The following POU6F2 variants were observed in gnomAD, a reference collection of about 807,000 sequenced individuals.
POU6F2 encodes the protein POU class 6 homeobox 2.
In POU6F2, 31 loss-of-function variants were observed where a neutral mutation model predicts 71.3. The ratio of observed to expected loss-of-function variants is 0.43; its 90% confidence interval spans 0.33 to 0.59. POU6F2 has a LOEUF of 0.59. Ranked by LOEUF, POU6F2 falls within the 20% of genes least tolerant of loss-of-function variation. The probability of loss-of-function intolerance (pLI) is 0.04; values close to 1 mark genes in which losing one functional copy is unlikely to be tolerated. For missense variants in POU6F2, 783 were observed against 856.8 expected, an observed-to-expected ratio of 0.91 and a Z score of 1.07; for synonymous variants, 347 against 355.7, an observed-to-expected ratio of 0.98 and a Z score of 0.27.
At chr7:38,996,696 G>C (rs1273924675) in intron 1 of POU6F2, among the ~76,000 whole-genome samples, 1 of 152,128 alleles carries the variant, frequency 6.6e-6, no homozygotes, top group Non-Finnish European at 1.5e-5. Context: ...CTGTGTGCCA[G>C]ACTGTTCTAA....
intron 2 of POU6F2, among the ~76,000 whole-genome samples, chr7:39,190,631 CTTTTTT>C (rs58654872): frequency 2.7e-5 from 2 of 74,202 alleles, no homozygotes; most frequent in Non-Finnish European, 4.7e-5. Context: ...GAGTCAACTT[CTTTTTT>C]TTTTTTTTTT....
intron 1 of POU6F2, among the ~76,000 whole-genome samples, chr7:39,031,990 A>G (rs937723982): frequency 6.6e-6 from 1 of 152,148 alleles, no homozygotes; most frequent in African/African-American, 2.4e-5. Context: ...GTTGCGTCCC[A>G]CTGAATCCGA....
chr7:39,422,717 G>C (rs576761679), intron 6 of POU6F2, among the ~76,000 whole-genome samples: 56 of 152,150 alleles, frequency 3.7e-4, no homozygotes, highest in Non-Finnish European at 8.1e-4. Context: ...TCTCCAGTGG[G>C]AAATCAGTGG....
intron 4 of POU6F2, among the ~76,000 whole-genome samples, chr7:39,237,940 C>T (rs902479519): frequency 9.2e-5 from 14 of 152,076 alleles, no homozygotes; most frequent in Admixed American, 5.9e-4. Flanking sequence ...CTCCATTTCT[C>T]GTGTTGATGG....
intron 1 of POU6F2, among the ~76,000 whole-genome samples, chr7:39,068,379 T>C (rs1015630560): frequency 6.6e-6 from 1 of 152,062 alleles, no homozygotes; most frequent in African/African-American, 2.4e-5. Context: ...TTAATAAATA[T>C]TTATTGAATG....
chr7:38,984,526 T>C (rs948242004), intron 1 of POU6F2: 2 of 152,130 alleles, frequency 1.3e-5, no homozygotes, highest in Non-Finnish European at 2.9e-5. Context: ...TCATCTCACC[T>C]AGCAATTCAA....
At chr7:39,093,951 A>G (rs529257451) in intron 2 of POU6F2, among the ~76,000 whole-genome samples, 3 of 152,148 alleles carry the variant, frequency 2.0e-5, no homozygotes, top group Non-Finnish European at 4.4e-5. Flanking sequence ...TGTAGTATGT[A>G]TGTATTTTCT....
chr7:39,385,413 A>G (rs1053848791), intron 5 of POU6F2, among the ~76,000 whole-genome samples: 3 of 152,230 alleles, frequency 2.0e-5, no homozygotes, highest in Non-Finnish European at 4.4e-5. Flanking sequence ...CCTGAGTTGC[A>G]CACGGTCCTG....
chr7:39,274,779 A>G, intron 4 of POU6F2, among the ~76,000 whole-genome samples: 2 of 132,316 alleles, frequency 1.5e-5, no homozygotes, highest in Non-Finnish European at 3.2e-5. Context: ...CCAGCATATA[A>G]ACAGAACCAA....
intron 1 of POU6F2, among the ~76,000 whole-genome samples, chr7:39,074,252 G>C (rs1158088148): frequency 6.6e-6 from 1 of 152,142 alleles, no homozygotes; most frequent in African/African-American, 2.4e-5. Context: ...GCGAGGCTGA[G>C]GCGGGTGGAT....
At chr7:39,367,692 T>C (rs1786530216) in intron 5 of POU6F2, among the ~76,000 whole-genome samples, 1 of 152,196 alleles carries the variant, frequency 6.6e-6, no homozygotes, top group Admixed American at 6.5e-5. Context: ...TCTTTGCAAG[T>C]AGGGCAGTTT....
intron 1 of POU6F2, among the ~76,000 whole-genome samples, chr7:38,999,293 G>A (rs374622279): frequency 2.2e-4 from 33 of 152,166 alleles, no homozygotes; most frequent in African/African-American, 6.5e-4. Context: ...ATATTTTCCC[G>A]CAGCCTGTAG....
At chr7:39,380,020 C>T (rs763491924) in intron 5 of POU6F2, among the ~76,000 whole-genome samples, 4 of 152,092 alleles carry the variant, frequency 2.6e-5, no homozygotes, top group Non-Finnish European at 4.4e-5. Context: ...TTATGCTCTC[C>T]TGTTTTATTT....
chr7:39,377,098 A>G (rs1786725037), intron 5 of POU6F2, among the ~76,000 whole-genome samples: 1 of 148,424 alleles, frequency 6.7e-6, no homozygotes, highest in Non-Finnish European at 1.5e-5. Context: ...TAACTTAAAT[A>G]TTAAATAACT....
At chr7:39,143,168 C>T (rs1792540434) in intron 2 of POU6F2, among the ~76,000 whole-genome samples, 1 of 152,168 alleles carries the variant, frequency 6.6e-6, no homozygotes, top group African/African-American at 2.4e-5. Flanking sequence ...AGTTCTCTCG[C>T]CTTTGGTGGT....
At chr7:39,398,860 C>T (rs116827552) in intron 5 of POU6F2, among the ~76,000 whole-genome samples, 19 of 152,288 alleles carry the variant, frequency 1.2e-4, no homozygotes, top group African/African-American at 4.6e-4. Context: ...CCTATATTAT[C>T]TCATATATTC....
At position 39,015,315 on chromosome 7, in the gene POU6F2, TA is replaced by T. The variant is rs1387001719; in HGVS notation, c.105+37259del. 2.2e-5 allele frequency among the ~76,000 whole-genome samples: 3 copies of T among 137,558 alleles called. No individual in the cohort carries two copies. In the East Asian group the frequency reaches 6.1e-4, roughly 28 times the overall value. The allele number at this position is 137,558 out of a possible 152,430, so 90.2% of individuals were successfully genotyped here. ...TATATCTATAAATATCTATATATAA[TA>T]ATAGATATAATATATATTATAATAT... On this transcript the variant is annotated intron_variant, in intron 1 of 9. Coordinates refer to ENST00000518318, the MANE Select transcript of POU6F2 (RefSeq NM_001370959.1).
chr7:39,338,617 C>T (rs1206638904), intron 4 of POU6F2, among the ~76,000 whole-genome samples: 1 of 152,222 alleles, frequency 6.6e-6, no homozygotes, highest in Non-Finnish European at 1.5e-5. Flanking sequence ...ACACTTTCCT[C>T]TAAGGCCTGT....
At chr7:39,287,866 G>A (rs1309337060) in intron 4 of POU6F2, among the ~76,000 whole-genome samples, 1 of 129,070 alleles carries the variant, frequency 7.7e-6, no homozygotes, top group Non-Finnish European at 1.7e-5. Context: ...CACTGGCCTT[G>A]ACGGTATACG....
Sources: gnomAD v4.1 joint callset for allele counts (sites outside exome capture counted in the v4.1 genomes callset) on GRCh38, gnomAD v4.1.1 for gene constraint, MANE v1.5 for transcripts, NCBI Gene and HGNC (gene_info 2026-07-23, HGNC 2026-07-21) for gene names.